Variants in RGS6 observed in about 807,000 individuals in gnomAD.
The protein encoded by RGS6 is regulator of G protein signaling 6.
In RGS6, 30 loss-of-function variants were observed where a neutral mutation model predicts 78.5. That is an observed-to-expected ratio of 0.38 (90% CI 0.29 to 0.52). The LOEUF is 0.52. RGS6 is among the 20% of genes least tolerant of loss of function. The probability of loss-of-function intolerance (pLI) is 0.85; values close to 1 mark genes in which losing one functional copy is unlikely to be tolerated. For missense variants in RGS6, 495 were observed against 609.7 expected, an observed-to-expected ratio of 0.81 and a Z score of 1.98; for synonymous variants, 206 against 206.0, an observed-to-expected ratio of 1.00 and a Z score of 0.00.
intron 2 of RGS6, among the ~76,000 whole-genome samples, chr14:72,238,280 G>A (rs1276297088): frequency 6.6e-6 from 1 of 152,188 alleles, no homozygotes; most frequent in Non-Finnish European, 1.5e-5. Flanking sequence ...AGGAGAGGGG[G>A]AGCGGGTAGG....
At chr14:72,080,187 G>C (rs149384188) in intron 2 of RGS6, among the ~76,000 whole-genome samples, 2,191 of 152,058 alleles carry the variant, frequency 0.014, 18 homozygotes, top group Middle Eastern at 0.061. Context: ...CTATATCCTA[G>C]CCACACATTA....
intron 2 of RGS6, among the ~76,000 whole-genome samples, chr14:72,015,932 T>C (rs2086856429): frequency 6.6e-6 from 1 of 152,236 alleles, no homozygotes; most frequent in Non-Finnish European, 1.5e-5. Flanking sequence ...TAATGATTTA[T>C]AAGAATCATT....
At chr14:72,461,212 A>G (rs2095771344) in intron 6 of RGS6, among the ~76,000 whole-genome samples, 1 of 152,228 alleles carries the variant, frequency 6.6e-6, no homozygotes, top group Admixed American at 6.5e-5. Flanking sequence ...TCCATGCAGC[A>G]ACGTGTGCCC....
At chr14:71,973,637 A>G (rs966959869) in intron 2 of RGS6, among the ~76,000 whole-genome samples, 3 of 152,240 alleles carry the variant, frequency 2.0e-5, no homozygotes, top group Non-Finnish European at 4.4e-5. Context: ...GTGAGCAGAG[A>G]TGGTGCCACC....
At chr14:72,335,614 C>T (rs1011400842) in intron 2 of RGS6, among the ~76,000 whole-genome samples, 2 of 152,090 alleles carry the variant, frequency 1.3e-5, no homozygotes, top group African/African-American at 4.8e-5. Flanking sequence ...CTGTTTTTAA[C>T]GTGGTTTATG....
At chr14:72,046,911 G>A (rs1038000367) in intron 2 of RGS6, among the ~76,000 whole-genome samples, 2 of 152,038 alleles carry the variant, frequency 1.3e-5, no homozygotes, top group South Asian at 2.1e-4. Flanking sequence ...TTCCAGTATC[G>A]ACAAATAGTA....
At chr14:72,288,197 G>A (rs530710989) in intron 2 of RGS6, among the ~76,000 whole-genome samples, 1 of 152,156 alleles carries the variant, frequency 6.6e-6, no homozygotes, top group African/African-American at 2.4e-5. Context: ...GGTAGAATTT[G>A]CCAGTGAATC....
intron 16 of RGS6, among the ~76,000 whole-genome samples, chr14:72,539,089 C>A (rs762621441): frequency 6.6e-6 from 1 of 152,222 alleles, no homozygotes; most frequent in Admixed American, 6.5e-5. Context: ...TTTGAGCGGT[C>A]ATTCTACTCT....
intron 3 of RGS6, among the ~76,000 whole-genome samples, chr14:72,387,877 C>G (rs2088743221): frequency 6.6e-6 from 1 of 152,180 alleles, no homozygotes; most frequent in Non-Finnish European, 1.5e-5. Context: ...GGAGACTTCT[C>G]TCCTTGGCTT....
At chr14:71,930,202 A>G (rs992578259), upstream of RGS6, among the ~76,000 whole-genome samples, 9 of 152,248 alleles carry the variant, frequency 5.9e-5, no homozygotes, top group Admixed American at 5.9e-4. Context: ...ATCCAAAATC[A>G]TTTTACACCT....
intron 1 of RGS6, among the ~76,000 whole-genome samples, chr14:71,944,408 C>A (rs2091156701): frequency 6.6e-6 from 1 of 152,106 alleles, no homozygotes; most frequent in Non-Finnish European, 1.5e-5. Flanking sequence ...CTTTTCTGAC[C>A]CCAAAGTCCT....
intron 12 of RGS6, among the ~76,000 whole-genome samples, chr14:72,484,859 G>A (rs2096458367): frequency 6.6e-6 from 1 of 151,606 alleles, no homozygotes; most frequent in African/African-American, 2.4e-5. Flanking sequence ...GCTATTTAAT[G>A]GCATAGTAGG....
rs142072141 is a variant in RGS6, at chr14:72,319,442, C to T, written c.85-32653C>T. Among the ~76,000 whole-genome samples, 785 of 151,988 alleles carry T rather than the reference C, an allele frequency of 5.2e-3. 9 individuals carry two copies. The highest frequency in any genetic ancestry group is 0.029 in the East Asian group (150 of 5,148). On this transcript the variant is annotated intron_variant, in intron 2 of 17. Coordinates refer to ENST00000553525, the MANE Select transcript of RGS6 (RefSeq NM_001204424.2). ...TCGGCTCACTGCAACCTCCACCTCC[C>T]GGGTTCACGCCATTCTCCTGCCTCA...
chr14:72,121,006 C>G (rs2096036466), intron 2 of RGS6, among the ~76,000 whole-genome samples: 1 of 152,070 alleles, frequency 6.6e-6, no homozygotes, highest in Non-Finnish European at 1.5e-5. Flanking sequence ...TGCTCAGTTC[C>G]CATAGCTAGG....
intron 13 of RGS6, among the ~76,000 whole-genome samples, chr14:72,506,077 G>T (rs573735898): frequency 2.6e-5 from 4 of 152,174 alleles, no homozygotes; most frequent in Non-Finnish European, 5.9e-5. Context: ...TCCAGCTAGC[G>T]ATTAGAAAAC....
chr14:72,285,411 A>C lies in RGS6; in HGVS notation c.85-66684A>C, dbSNP rs1331008374. ...GTCTCATGGGATCTAATGGTTTTAT[A>C]TGGGTTTTCTCTTTCACTTGGTTCT... On this transcript the variant is annotated intron_variant, in intron 2 of 17. Coordinates refer to ENST00000553525, the MANE Select transcript of RGS6 (RefSeq NM_001204424.2). Among the ~76,000 whole-genome samples, 2 of 152,036 alleles carry C rather than the reference A, an allele frequency of 1.3e-5. 1 individual carries two copies. Among genetic ancestry groups the C allele is most frequent in the South Asian group, 4.1e-4 (2 of 4,824 alleles).
At chr14:72,143,997 A>C (rs1376158054) in intron 2 of RGS6, among the ~76,000 whole-genome samples, 1 of 152,164 alleles carries the variant, frequency 6.6e-6, no homozygotes, top group Non-Finnish European at 1.5e-5. Flanking sequence ...TGAAGAAACA[A>C]CTGGAATCAT....
intron 2 of RGS6, among the ~76,000 whole-genome samples, chr14:72,289,329 TTCTCTCTC>T (rs3831615): frequency 6.8e-6 from 1 of 147,202 alleles, no homozygotes; most frequent in Non-Finnish European, 1.5e-5. Flanking sequence ...TTTTCTTTCT[TTCTCTCTC>T]TCTCTCTCTC....
At chr14:72,251,659 A>C (rs1283501979) in intron 2 of RGS6, among the ~76,000 whole-genome samples, 1 of 152,208 alleles carries the variant, frequency 6.6e-6, no homozygotes, top group Non-Finnish European at 1.5e-5. Context: ...CTAAATGTTG[A>C]AAATATGTGG....
Sources: gnomAD v4.1 joint callset for allele counts (sites outside exome capture counted in the v4.1 genomes callset) on GRCh38, gnomAD v4.1.1 for gene constraint, MANE v1.5 for transcripts, NCBI Gene and HGNC (gene_info 2026-07-23, HGNC 2026-07-21) for gene names.